The following DVL2 variants were observed in gnomAD, a reference collection of about 807,000 sequenced individuals.
DVL2 encodes segment polarity protein dishevelled homolog DVL-2.
DVL2 carries 38 observed loss-of-function variants against 69.8 expected under a neutral mutation model. The ratio of observed to expected loss-of-function variants is 0.54; its 90% confidence interval spans 0.42 to 0.71. The LOEUF is 0.71. Ranked by LOEUF, DVL2 falls within the 30% of genes least tolerant of loss-of-function variation. The pLI is 0.00. For synonymous variants in DVL2, 428 were observed against 392.4 expected, an observed-to-expected ratio of 1.09 and a Z score of -1.07; for missense variants, 931 against 1,008.1, an observed-to-expected ratio of 0.92 and a Z score of 1.04.
chr17:7,229,291 T>G lies in DVL2; in HGVS notation c.818-17A>C, dbSNP rs1206413552. On this transcript the variant is annotated splice_polypyrimidine_tract_variant and intron_variant, in intron 7 of 14. Transcript: ENST00000005340. The surrounding 1 kb of genome is among the most constrained non-coding windows in gnomAD (Gnocchi z 4.4). ...TGTACTTCTCTGTGGAGAGAGGCCA[T>G]GTGAAAAGAGGAGCCCCTGCCACAG... 6 of 1,613,438 alleles carry G rather than the reference T, an allele frequency of 3.7e-6. No homozygotes were observed. Among genetic ancestry groups the G allele is most frequent in the Admixed American group, 1.7e-5 (1 of 59,928 alleles).
chr17:7,225,838 C>T lies in DVL2; in HGVS notation c.*27G>A. On this transcript the variant is annotated 3_prime_UTR_variant, in exon 15 of 15. Coordinates refer to ENST00000005340, the MANE Select transcript of DVL2 (RefSeq NM_004422.3). ...GACACCCAGTCACACACCAGGAGCGCCCGGCCCAGCCTGGCCCCACAGTGG... is the reference window on the plus strand; with the variant it reads ...GACACCCAGTCACACACCAGGAGCGTCCGGCCCAGCCTGGCCCCACAGTGG... The T allele has an allele frequency of 6.2e-7, 1 of 1,605,188 alleles. No homozygotes were observed. Among genetic ancestry groups the T allele is most frequent in the East Asian group, 2.2e-5 (1 of 44,826 alleles).
At chr17:7,233,980 G>A (rs1332688347) in intron 1 of DVL2, 89 bp downstream of exon 1, 1 of 1,421,962 alleles carries the variant, frequency 7.0e-7, no homozygotes, top group African/African-American at 1.4e-5. Context: ...GAAAATCCCA[G>A]TGTGGCCCAA....
Position 7,229,541 on chromosome 17 carries a change from A to G in DVL2, c.747+47T>C. The G allele has an allele frequency of 6.2e-7, 1 of 1,604,446 alleles. No homozygotes were observed. Among genetic ancestry groups the G allele is most frequent in the Non-Finnish European group, 8.5e-7 (1 of 1,174,428 alleles). ...CCTGGCACCGCCCAAACCAAAGCCC[A>G]TGCCCCACCTTCTCCCAGCACCAGC... On this transcript the variant is annotated intron_variant, in intron 6 of 14. Coordinates refer to ENST00000005340, the MANE Select transcript of DVL2 (RefSeq NM_004422.3). The surrounding 1 kb of genome is among the most constrained non-coding windows in gnomAD (Gnocchi z 4.4).
At chr17:7,233,482 C>T (rs567115074) in intron 1 of DVL2, among the ~76,000 whole-genome samples, 3 of 152,216 alleles carry the variant, frequency 2.0e-5, no homozygotes, top group Admixed American at 6.5e-5. Context: ...CTCGCACTGT[C>T]GCCCAGGCTG....
rs776949531 is a variant in DVL2 at position 7,226,280 on chromosome 17, C to A, written c.1796G>T (p.Gly599Val). 5.0e-6 allele frequency: 8 copies of A among 1,592,778 alleles called. 1 individual carries two copies. Among genetic ancestry groups the A allele is most frequent in the South Asian group, 3.4e-5 (3 of 88,418 alleles). The change falls in exon 15 of 15, where the codon GGG (glycine) becomes GTG (valine). Residue 599 changes from glycine (G) to valine (V), a missense_variant. By Grantham distance (109) the Gly-to-Val change is moderately radical (BLOSUM62 -3). Coordinates refer to ENST00000005340, the MANE Select transcript of DVL2 (RefSeq NM_004422.3). ...GGGCCTCCCCGTGCGCCCTGCCCCC[C>A]CATCACTCCGTGTCGACCCACTGCT... is the stretch of plus-strand genomic sequence containing the variant. ...SRSSGSTRSD[G>V]GAGRTGRPEE...
chr17:7,228,772 C>T (rs1021549642), intron 9 of DVL2, 197 bp downstream of exon 9: 5 of 574,482 alleles, frequency 8.7e-6, no homozygotes, highest in Non-Finnish European at 1.5e-5. Flanking sequence ...AGTAGAGACA[C>T]GGTTTCACCA....
In DVL2 at chr17:7,229,854, C is replaced by G; in HGVS notation, c.610G>C (p.Glu204Gln). 1 of 1,612,226 alleles carries G rather than the reference C, an allele frequency of 6.2e-7. No individual in the cohort carries two copies. Among genetic ancestry groups the G allele is most frequent in the Non-Finnish European group, 8.5e-7 (1 of 1,179,966 alleles). The change falls in exon 5 of 15, where the codon GAG (glutamate) becomes CAG (glutamine). Residue 204 changes from glutamate (E) to glutamine (Q), a missense_variant. Glu to Gln is a conservative substitution (Grantham distance 29, BLOSUM62 2). Around this residue, in one of 3 missense-constraint regions of DVL2, gnomAD observed 555 missense variants for 588.8 expected, o/e 0.94. Coordinates refer to ENST00000005340, the MANE Select transcript of DVL2 (RefSeq NM_004422.3). The surrounding 1 kb of genome is among the most constrained non-coding windows in gnomAD (Gnocchi z 4.4). ...SSSTLMTSEL[E>Q]STSLGDSDEE... ...TCCGAGTCCCCCAGGCTGGTACTCT[C>G]CAGCTCGCTGGTCATGAGGGTAGAG...
chr17:7,229,042 T>C lies in DVL2; in HGVS notation c.961A>G (p.Asn321Asp). Residue 321 changes from asparagine (N) to aspartate (D), a missense_variant, in exon 9 of 15, where the codon AAT (asparagine) becomes GAT (aspartate). By Grantham distance (23) the Asn-to-Asp change is conservative. Around this residue, in one of 3 missense-constraint regions of DVL2, gnomAD observed 555 missense variants for 588.8 expected, o/e 0.94. Coordinates refer to ENST00000005340, the MANE Select transcript of DVL2 (RefSeq NM_004422.3). This position sits in a 1 kb window ranked among gnomAD's most constrained non-coding sequence, Gnocchi z 4.4. ...CTCATGTTCTCAAAGTTCATGTCAT[T>C]CACCTGGAAGCGACGGCAAGTGGGT... Reference protein sequence around the residue: ...IEPGDMLLQVNDMNFENMSND... With the variant: ...IEPGDMLLQVDDMNFENMSND... 1.2e-6 allele frequency: 2 copies of C among 1,614,098 alleles called. No homozygotes were observed. The highest frequency in any genetic ancestry group is 1.6e-4 in the Middle Eastern group (1 of 6,062).
chr17:7,228,266 G>C lies in DVL2; in HGVS notation c.1035-222C>G, dbSNP rs867809902. On this transcript the variant is annotated intron_variant, in intron 9 of 14. Coordinates refer to ENST00000005340, the MANE Select transcript of DVL2 (RefSeq NM_004422.3). ...TGCCAAGTGAGACAAGAGAGTACACGCTGTACAGTTCCATTCACAGAAAGT... is the reference window on the plus strand; with the variant it reads ...TGCCAAGTGAGACAAGAGAGTACACCCTGTACAGTTCCATTCACAGAAAGT... 1.1e-5 allele frequency: 5 copies of C among 465,100 alleles called. No individual in the cohort carries two copies. The East Asian group carries it at 1.4e-4, about 13-fold the overall frequency. The allele number at this position is 465,100 out of a possible 1,614,324, so 28.8% of individuals were successfully genotyped here.
At position 7,234,132 on chromosome 17, in the gene DVL2, T is replaced by C. The variant is rs751187480; in HGVS notation, c.131A>G (p.Lys44Arg). The change falls in exon 1 of 15, where the codon AAG becomes AGG. Residue 44 changes from lysine (K) to arginine (R), a missense_variant. Lys to Arg is a conservative substitution (Grantham distance 26, BLOSUM62 2). This residue lies in a region of DVL2 where 555 missense variants were observed against 588.8 expected (regional missense o/e 0.94). Transcript: ENST00000005340. ...PAERITLGDF[K>R]SVLQRPAGAK... ...GCCCGCGGGCCGCTGCAGGACGCTCTTGAAATCGCCGAGGGTGATGCGCTC... is the reference window on the plus strand; with the variant it reads ...GCCCGCGGGCCGCTGCAGGACGCTCCTGAAATCGCCGAGGGTGATGCGCTC... 4.3e-6 allele frequency: 7 copies of C among 1,614,130 alleles called. No homozygotes were observed. Among genetic ancestry groups the C allele is most frequent in the East Asian group, 4.5e-5 (2 of 44,858 alleles).
At chr17:7,230,218 C>G in intron 3 of DVL2, 63 bp from the exon 4 acceptor site, 1 of 1,610,938 alleles carries the variant, frequency 6.2e-7, no homozygotes, top group South Asian at 1.1e-5. Flanking sequence ...TCCTAGGCGT[C>G]CCCTACCAAA....
chr17:7,228,437 G>A, intron 9 of DVL2: 1 of 182,964 alleles, frequency 5.5e-6, no homozygotes, highest in Non-Finnish European at 1.2e-5. Flanking sequence ...GCATTTGGGA[G>A]CAGGAAGGGA....
Position 7,229,387 on chromosome 17 carries a change from G to A in DVL2, c.808C>T (p.Leu270=), listed in dbSNP as rs758275386. The part of the protein sequence containing the change: ...TMSLNIITVT[L]NMEKYNFLGI... ...CAGGCTCTCCCCATACCCATGTTTA[G>A]CGTGACTGTGATGATATTGAGAGAC... Residue 270 remains leucine, a synonymous_variant, in exon 7 of 15, where the codon CTA becomes TTA. Coordinates refer to ENST00000005340, the MANE Select transcript of DVL2 (RefSeq NM_004422.3). The surrounding 1 kb of genome is among the most constrained non-coding windows in gnomAD (Gnocchi z 4.4). 1 of 1,613,938 alleles carries A rather than the reference G, an allele frequency of 6.2e-7. No individual in the cohort carries two copies. The highest frequency in any genetic ancestry group is 8.5e-7 in the Non-Finnish European group (1 of 1,180,030).
In DVL2 at chr17:7,230,846, C is replaced by A. The variant is rs1032955310; in HGVS notation, c.195-49G>T. 4.2e-6 allele frequency: 6 copies of A among 1,428,884 alleles called. No homozygotes were observed. In the East Asian group the frequency reaches 7.0e-5, roughly 17 times the overall value. The allele number at this position is 1,428,884 out of a possible 1,614,324, so 88.5% of individuals were successfully genotyped here. ...CAGTGAGCTGGACCAACCATCCCCA[C>A]CCCGACCCCCATCAAACTTTCTCCC... On this transcript the variant is annotated intron_variant, in intron 1 of 14. Coordinates refer to ENST00000005340, the MANE Select transcript of DVL2 (RefSeq NM_004422.3).
chr17:7,229,658 T>G lies in DVL2; in HGVS notation c.677A>C (p.Gln226Pro), dbSNP rs764040738. 1.9e-5 allele frequency: 29 copies of G among 1,552,734 alleles called. No homozygotes were observed. Among genetic ancestry groups the G allele is most frequent in the Non-Finnish European group, 2.5e-5 (29 of 1,149,152 alleles). Residue 226 changes from glutamine (Q) to proline (P), a missense_variant, in exon 6 of 15, where the codon CAG becomes CCG. Transcript: ENST00000005340. The surrounding 1 kb of genome is among the most constrained non-coding windows in gnomAD (Gnocchi z 4.4). ...TMSRFSSSTEQSSASRLLKRH... is the reference protein window; with the variant it reads ...TMSRFSSSTEPSSASRLLKRH... ...CTTAAGGAGGCGGGAGGCACTGCTCTGCTCCGTGGAGCTGCTGAACCTACC... is the reference window on the plus strand; with the variant it reads ...CTTAAGGAGGCGGGAGGCACTGCTCGGCTCCGTGGAGCTGCTGAACCTACC...
At chr17:7,233,832 A>G in intron 1 of DVL2, 1 of 590,954 alleles carries the variant, frequency 1.7e-6, no homozygotes, top group East Asian at 2.8e-5. Context: ...CACCTATTCC[A>G]GTAAAGCCTA....
rs367563224 is a variant in DVL2, at chr17:7,226,281, C to A, written c.1795G>T (p.Gly599Trp). 10 of 1,592,512 alleles carry A rather than the reference C, an allele frequency of 6.3e-6. No individual in the cohort carries two copies. Among genetic ancestry groups the A allele is most frequent in the Non-Finnish European group, 7.7e-6 (9 of 1,171,304 alleles). ...SRSSGSTRSD[G>W]GAGRTGRPEE... is the part of the protein sequence containing the mutation. ...GGCCTCCCCGTGCGCCCTGCCCCCC[C>A]ATCACTCCGTGTCGACCCACTGCTC... Residue 599 changes from glycine to tryptophan, a missense_variant, in exon 15 of 15, where the codon GGG (glycine) becomes TGG (tryptophan). Around this residue, in one of 3 missense-constraint regions of DVL2, gnomAD observed 314 missense variants for 313.7 expected, o/e 1.00. Coordinates refer to ENST00000005340, the MANE Select transcript of DVL2 (RefSeq NM_004422.3).
rs149000857 is a variant in DVL2, at chr17:7,230,086, C to T, written c.480G>A (p.Arg160=). ...ETETESVVSL[R]RERPRRRDSS... is the part of the protein sequence containing the mutation. ...TGTCTCTCCTGCGAGGCCGCTCCCG[C>T]CTCAGTGACACTACTGACTCGGTTT... The change falls in exon 4 of 15, where the codon AGG becomes AGA. Residue 160 remains arginine, a synonymous_variant. Transcript: ENST00000005340. The T allele has an allele frequency of 6.8e-6, 11 of 1,614,082 alleles. No homozygotes were observed. The highest frequency in any genetic ancestry group is 9.3e-6 in the Non-Finnish European group (11 of 1,180,050).
Position 7,227,698 on chromosome 17 carries a change from G to A in DVL2, c.1188C>T (p.Ser396=), listed in dbSNP as rs200533282. 22 of 1,613,486 alleles carry A rather than the reference G, an allele frequency of 1.4e-5. No individual in the cohort carries two copies. The East Asian group carries it at 4.2e-4, about 31-fold the overall frequency. ...CAGATGTAATGGTGCTCATGGAGGA[G>A]GAACCTGGATAGGCTGGGAAGGTGC... ...LTGTFPAYPG[S]SSMSTITSGS... is the part of the protein sequence containing the mutation. The change falls in exon 11 of 15, where the codon TCC becomes TCT. Residue 396 remains serine (S), a synonymous_variant. Transcript: ENST00000005340.
Sources: allele counts gnomAD v4.1 joint callset (sites outside exome capture counted in the v4.1 genomes callset), GRCh38; gene constraint gnomAD v4.1.1; regional missense constraint gnomAD v4.1.1; non-coding constraint Gnocchi (gnomAD v3.1); transcripts MANE v1.5; gene names NCBI Gene and HGNC (gene_info 2026-07-23, HGNC 2026-07-21).